Variants in METTL25B observed in about 807,000 individuals in gnomAD.
METTL25B encodes the protein methyltransferase like 25B.
In METTL25B, 38 loss-of-function variants were observed where a neutral mutation model predicts 48.4. The observed-to-expected ratio is 0.78, with a 90% CI of 0.61 to 1.03. The LOEUF is 1.03. METTL25B is among the 50% of genes least tolerant of loss of function. The pLI is 0.00. For synonymous variants in METTL25B, 230 were observed against 254.5 expected (o/e 0.90, Z 0.92); for missense variants, 537 against 603.7 (o/e 0.89, Z 1.16).
chr1:156,734,486 A>G lies in METTL25B; in HGVS notation c.1114A>G (p.Ile372Val). 6.3e-6 allele frequency: 10 copies of G among 1,582,168 alleles called. No homozygotes were observed. Among genetic ancestry groups the G allele is most frequent in the Non-Finnish European group, 8.6e-6 (10 of 1,163,522 alleles). Residue 372 changes from isoleucine (I) to valine (V), a missense_variant, in exon 6 of 8, where the codon ATT (isoleucine) becomes GTT (valine). Coordinates refer to ENST00000368216, the MANE Select transcript of METTL25B (RefSeq NM_015997.4). ...QGIPRVHELK[I>V]EEYVQRGLQR... Reference sequence around the variant, plus strand: ...TATCCCCAGGGTCCACGAGCTCAAGATTGAAGAGTGAGGTTGGGGGACGGG... The same window carrying G: ...TATCCCCAGGGTCCACGAGCTCAAGGTTGAAGAGTGAGGTTGGGGGACGGG...
At chr1:156,735,686 TAAAAC>T (rs1272538333) in intron 6 of METTL25B, 34 bp from the exon 7 acceptor site, 15 of 1,526,306 alleles carry the variant, frequency 9.8e-6, no homozygotes, top group Admixed American at 1.9e-5. Flanking sequence ...TGACAGTTCT[TAAAAC>T]CAAACTGAGT....
In METTL25B at chr1:156,734,448, C is replaced by T; in HGVS notation, c.1076C>T (p.Pro359Leu). The change falls in exon 6 of 8, where the codon CCA becomes CTA. Residue 359 changes from proline to leucine, a missense_variant. Pro to Leu is a moderately conservative substitution (Grantham distance 98). Transcript: ENST00000368216. Reference sequence around the variant, plus strand: ...CGGGCCCGGCCCGAGCTCCGTCGGCCAGGCGTGCAGGGTATCCCCAGGGTC... The same window carrying T: ...CGGGCCCGGCCCGAGCTCCGTCGGCTAGGCGTGCAGGGTATCCCCAGGGTC... ...IRRARPELRRPGVQGIPRVHE... is the reference protein window; with the variant it reads ...IRRARPELRRLGVQGIPRVHE... 1 of 1,602,654 alleles carries T rather than the reference C, an allele frequency of 6.2e-7. No individual in the cohort carries two copies. The highest frequency in any genetic ancestry group is 2.3e-5 in the East Asian group (1 of 44,228).
chr1:156,733,336 G>T, intron 4 of METTL25B, 41 bp from the exon 5 acceptor site: 1 of 1,610,510 alleles, frequency 6.2e-7, no homozygotes, highest in South Asian at 1.1e-5. Context: ...TAGTGGATAG[G>T]GCACTGAACA....
chr1:156,733,123 A>T, intron 4 of METTL25B, 76 bp downstream of exon 4: 2 of 1,397,706 alleles, frequency 1.4e-6, no homozygotes, highest in Non-Finnish European at 2.0e-6. Context: ...TTATCGGGCC[A>T]CAGGCCCAGC....
intron 7 of METTL25B, 150 bp from the exon 8 acceptor site, chr1:156,736,482 G>GGAAC: frequency 6.1e-6 from 5 of 822,368 alleles, no homozygotes; most frequent in Non-Finnish European, 9.5e-6. Flanking sequence ...CAGTGCCTTG[G>GGAAC]GAACCCGTGT....
rs1649320778 is a variant in METTL25B, at chr1:156,731,890, G to T, written c.112-101G>T. ...CAGGCAGTGGCCCTATGTGGCAGCAGTGCTGGGAAGAGGCAGGCAATGAGG... is the reference window on the plus strand; with the variant it reads ...CAGGCAGTGGCCCTATGTGGCAGCATTGCTGGGAAGAGGCAGGCAATGAGG... On this transcript the variant is annotated intron_variant, in intron 1 of 7. Coordinates refer to ENST00000368216, the MANE Select transcript of METTL25B (RefSeq NM_015997.4). 4 of 1,481,966 alleles carry T rather than the reference G, an allele frequency of 2.7e-6. No homozygotes were observed. In the East Asian group the frequency reaches 9.2e-5, roughly 34 times the overall value. The allele number at this position is 1,481,966 out of a possible 1,614,324, so 91.8% of individuals were successfully genotyped here. A position where few individuals can be genotyped will look rare whatever the true frequency, so the allele number is the denominator to read the frequency against.
intron 6 of METTL25B, 97 bp downstream of exon 6, chr1:156,734,590 G>A (rs766898359): frequency 8.3e-6 from 11 of 1,330,276 alleles, no homozygotes; most frequent in Non-Finnish European, 1.1e-5. Context: ...GGAGTGCAGT[G>A]GAGCGATCTC....
At position 156,735,916 on chromosome 1, in the gene METTL25B, G is replaced by T. The variant is rs1227018933; in HGVS notation, c.1306+7G>T. The T allele has an allele frequency of 6.2e-7, 1 of 1,608,278 alleles. No individual in the cohort carries two copies. The highest frequency in any genetic ancestry group is 8.5e-7 in the Non-Finnish European group (1 of 1,176,366). On this transcript the variant is annotated splice_region_variant and intron_variant, in intron 7 of 7. Coordinates refer to ENST00000368216, the MANE Select transcript of METTL25B (RefSeq NM_015997.4). ...CTGTACCTTCAGGAACAGGGTGAGGGTGGCCTACAGCAGGGACCCAAGGAC... is the reference window on the plus strand; with the variant it reads ...CTGTACCTTCAGGAACAGGGTGAGGTTGGCCTACAGCAGGGACCCAAGGAC...
At chr1:156,729,405 CTTTT>C (rs1003801619) in intron 1 of METTL25B, 190 bp downstream of exon 1, 1 of 402,674 alleles carries the variant, frequency 2.5e-6, no homozygotes, top group Non-Finnish European at 4.4e-6. Flanking sequence ...AATAATATTT[CTTTT>C]TTTTTCTTTT....
intron 1 of METTL25B, among the ~76,000 whole-genome samples, chr1:156,729,956 C>T (rs1345353768): frequency 6.6e-6 from 1 of 152,220 alleles, no homozygotes; most frequent in Non-Finnish European, 1.5e-5. Flanking sequence ...TCCAGTTCTT[C>T]AACAAGTCCT....
intron 4 of METTL25B, 83 bp downstream of exon 4, chr1:156,733,130 C>CGAT: frequency 2.2e-6 from 3 of 1,351,568 alleles, no homozygotes; most frequent in Non-Finnish European, 2.1e-6. Context: ...GCCACAGGCC[C>CGAT]AGCGAGGCAG....
At chr1:156,736,293 G>A (rs1047549293) in intron 7 of METTL25B, 6 of 257,180 alleles carry the variant, frequency 2.3e-5, no homozygotes, top group African/African-American at 1.3e-4. Flanking sequence ...CCAGGAGGCG[G>A]AGGTTGCAGT....
chr1:156,735,246 G>A (rs1287829345), intron 6 of METTL25B, among the ~76,000 whole-genome samples: 1 of 150,768 alleles, frequency 6.6e-6, no homozygotes, highest in African/African-American at 2.4e-5. Context: ...CTGAGATCGC[G>A]CCACTGTACT....
At position 156,728,788 on chromosome 1, in the gene METTL25B, A is replaced by C; in HGVS notation, c.-317A>C. 1 of 1,037,544 alleles carries C rather than the reference A, an allele frequency of 9.6e-7. No individual in the cohort carries two copies. 64.3% of individuals were successfully genotyped at this position (1,037,544 alleles called of 1,614,324 possible). On this transcript the variant is annotated 5_prime_UTR_variant, in exon 1 of 8. Coordinates refer to ENST00000368216, the MANE Select transcript of METTL25B (RefSeq NM_015997.4). Reference sequence around the variant, plus strand: ...GTGTACGGCAAGGGGCGGGAACTGGAACTTGGCCCGCCTCGTTGTGAGCTG... The same window carrying C: ...GTGTACGGCAAGGGGCGGGAACTGGCACTTGGCCCGCCTCGTTGTGAGCTG...
Position 156,732,144 on chromosome 1 carries a change from G to C in METTL25B, c.236+29G>C, listed in dbSNP as rs3795738. The C allele has an allele frequency of 6.8e-4, 1,095 of 1,614,040 alleles. 8 individuals are homozygous for C. In the East Asian group the frequency reaches 0.021, roughly 31 times the overall value. On this transcript the variant is annotated intron_variant, in intron 2 of 7. Coordinates refer to ENST00000368216, the MANE Select transcript of METTL25B (RefSeq NM_015997.4). ...TGGGCTAGAAGGTCCCTGTGCTGGG[G>C]AACTCAAGGCTTTAAGCCCTGCAGT...
At chr1:156,733,562 G>T (rs1352024954) in intron 5 of METTL25B, 42 bp downstream of exon 5, 1 of 1,600,144 alleles carries the variant, frequency 6.2e-7, no homozygotes, top group Non-Finnish European at 8.5e-7. Context: ...AGGAGCAGGG[G>T]CTGCTTGGCT....
chr1:156,729,971 G>A (rs1278226870), intron 1 of METTL25B, among the ~76,000 whole-genome samples: 5 of 152,060 alleles, frequency 3.3e-5, no homozygotes, highest in South Asian at 2.1e-4. Flanking sequence ...AGTCCTCTTG[G>A]CTCTGCCTTC....
In METTL25B at chr1:156,728,812, T is replaced by C. The variant is rs1164326784; in HGVS notation, c.-293T>C. 6.3e-6 allele frequency: 6 copies of C among 945,314 alleles called. No individual in the cohort carries two copies. Among genetic ancestry groups the C allele is most frequent in the Admixed American group, 5.1e-5 (1 of 19,512 alleles). 58.6% of individuals were successfully genotyped at this position (945,314 alleles called of 1,614,324 possible). The stretch of plus-strand genomic sequence containing the variant: ...GAACTTGGCCCGCCTCGTTGTGAGC[T>C]GAGCTCAGCGGCACGCTTTTGTGGC... On this transcript the variant is annotated 5_prime_UTR_variant, in exon 1 of 8. Transcript: ENST00000368216.
chr1:156,728,812 T>G lies in METTL25B; in HGVS notation c.-293T>G, dbSNP rs1164326784. The G allele has an allele frequency of 1.1e-6, 1 of 945,314 alleles. No homozygotes were observed. The highest frequency in any genetic ancestry group is 1.3e-6 in the Non-Finnish European group (1 of 746,436). 58.6% of individuals were successfully genotyped at this position (945,314 alleles called of 1,614,324 possible). ...GAACTTGGCCCGCCTCGTTGTGAGC[T>G]GAGCTCAGCGGCACGCTTTTGTGGC... On this transcript the variant is annotated 5_prime_UTR_variant, in exon 1 of 8. Transcript: ENST00000368216.
Sources: allele counts gnomAD v4.1 joint callset (sites outside exome capture counted in the v4.1 genomes callset), GRCh38; gene constraint gnomAD v4.1.1; transcripts MANE v1.5; gene names NCBI Gene and HGNC (gene_info 2026-07-23, HGNC 2026-07-21).